Variants in RFX4 observed in about 807,000 individuals in gnomAD.
RFX4 encodes regulatory factor X4, also known as transcription factor RFX4.
Under a neutral mutation model 95.0 loss-of-function variants are expected in RFX4, and 10 were observed. That is an observed-to-expected ratio of 0.11 (90% CI 0.06 to 0.18). The LOEUF is 0.18. RFX4 is among the 10% of genes least tolerant of loss of function. The pLI is 1.00. For missense variants in RFX4, 640 were observed against 922.0 expected, an observed-to-expected ratio of 0.69 and a Z score of 3.96; for synonymous variants, 321 against 340.7, an observed-to-expected ratio of 0.94 and a Z score of 0.64.
intron 13 of RFX4, among the ~76,000 whole-genome samples, chr12:106,725,435 A>G (rs1288714355): frequency 2.6e-5 from 4 of 152,240 alleles, no homozygotes; most frequent in African/African-American, 9.6e-5. Context: ...CTAAAAACTA[A>G]TTTGTATATG....
At chr12:106,613,784 T>C (rs571423864) in intron 2 of RFX4, among the ~76,000 whole-genome samples, 5 of 152,354 alleles carry the variant, frequency 3.3e-5, no homozygotes, top group Admixed American at 6.5e-5. Flanking sequence ...TTCCCTCCTC[T>C]TTCATTATTT....
chr12:106,650,986 T>C (rs368762493), intron 3 of RFX4, among the ~76,000 whole-genome samples: 4 of 152,186 alleles, frequency 2.6e-5, no homozygotes, highest in African/African-American at 9.7e-5. Flanking sequence ...TGAGTACAAT[T>C]CTACCACCTT....
intron 10 of RFX4, 23 bp from the exon 11 acceptor site, chr12:106,715,377 G>A (rs778105920): frequency 1.4e-5 from 22 of 1,608,360 alleles, no homozygotes; most frequent in Non-Finnish European, 1.4e-5. Flanking sequence ...ATGAGCTAAC[G>A]AGTTGATTGG....
chr12:106,736,723 AGTT>A (rs1244760187), intron 15 of RFX4, among the ~76,000 whole-genome samples: 2 of 152,184 alleles, frequency 1.3e-5, no homozygotes, highest in Admixed American at 6.5e-5. Flanking sequence ...TCCCAAGTCC[AGTT>A]GTTCTAATAC....
At chr12:106,662,281 T>C in intron 4 of RFX4, 1 of 232,326 alleles carries the variant, frequency 4.3e-6, no homozygotes, top group Non-Finnish European at 8.9e-6. Flanking sequence ...TGGTATGTCG[T>C]TGTTTTAATT....
At chr12:106,750,570 A>C in intron 16 of RFX4, 85 bp from the exon 17 acceptor site, 1 of 1,293,400 alleles carries the variant, frequency 7.7e-7, no homozygotes, top group Non-Finnish European at 1.0e-6. Flanking sequence ...AAAAGGAAAA[A>C]AAATAGATGA....
At chr12:106,709,025 C>G (rs879498164) in intron 8 of RFX4, among the ~76,000 whole-genome samples, 1 of 152,130 alleles carries the variant, frequency 6.6e-6, no homozygotes, top group Non-Finnish European at 1.5e-5. Context: ...CTGTCTTCAC[C>G]CCTCACACAA....
chr12:106,693,514 C>T (rs1445445577), intron 7 of RFX4, among the ~76,000 whole-genome samples: 1 of 152,174 alleles, frequency 6.6e-6, no homozygotes, highest in African/African-American at 2.4e-5. Context: ...AATGTGTCAA[C>T]TCAAGAATCA....
intron 1 of RFX4, among the ~76,000 whole-genome samples, chr12:106,604,983 A>C (rs1258577498): frequency 1.3e-5 from 2 of 152,240 alleles, no homozygotes; most frequent in Admixed American, 1.3e-4. Flanking sequence ...TCTTCCTCTT[A>C]CTAGCCAGAT....
chr12:106,748,082 G>A (rs977135148), intron 16 of RFX4, among the ~76,000 whole-genome samples: 2 of 152,136 alleles, frequency 1.3e-5, no homozygotes, highest in African/African-American at 4.8e-5. Flanking sequence ...AGGGTAGGTA[G>A]GTAGGTAAGA....
At chr12:106,666,554 C>T (rs1267225131) in intron 4 of RFX4, among the ~76,000 whole-genome samples, 1 of 151,860 alleles carries the variant, frequency 6.6e-6, no homozygotes, top group African/African-American at 2.4e-5. Context: ...TGTGTATTTA[C>T]ATCTTTTGTA....
intron 1 of RFX4, among the ~76,000 whole-genome samples, chr12:106,594,125 C>T (rs1456555248): frequency 1.3e-5 from 2 of 152,146 alleles, no homozygotes; most frequent in African/African-American, 4.8e-5. Flanking sequence ...ATTTCTTTTA[C>T]TCAGTGACTC....
chr12:106,747,691 T>C, intron 16 of RFX4, 92 bp downstream of exon 16: 1 of 1,442,506 alleles, frequency 6.9e-7, no homozygotes, highest in Non-Finnish European at 9.4e-7. Context: ...CCCAGCACTT[T>C]GGGAGGCCAA....
chr12:106,747,642 A>T (rs2042919627), intron 16 of RFX4, 43 bp downstream of exon 16: 2 of 1,600,692 alleles, frequency 1.2e-6, no homozygotes, highest in Non-Finnish European at 1.7e-6. Context: ...TTAAAATTTG[A>T]TCTAAAGAGG....
At chr12:106,687,140 T>C (rs2041670745) in intron 6 of RFX4, 43 bp downstream of exon 6, 4 of 1,475,122 alleles carry the variant, frequency 2.7e-6, no homozygotes, top group Non-Finnish European at 3.8e-6. Context: ...GTGGTTTCTC[T>C]CTCTTTCTCT....
Position 106,761,287 on chromosome 12 carries a change from C to T in RFX4, c.2026C>T (p.Pro676Ser). 1 of 1,614,130 alleles carries T rather than the reference C, an allele frequency of 6.2e-7. No homozygotes were observed. The highest frequency in any genetic ancestry group is 8.5e-7 in the Non-Finnish European group (1 of 1,180,024). ...LHPTPVTPRW[P>S]EVPSANTCYT... The stretch of plus-strand genomic sequence containing the variant: ...TCCTACCCCAGTCACTCCCCGCTGG[C>T]CAGAGGTGCCCTCAGCCAACACGTG... Residue 676 changes from proline to serine, a missense_variant, in exon 18 of 18, where the codon CCA becomes TCA. By Grantham distance (74) the Pro-to-Ser change is moderately conservative. This residue lies in a region of RFX4 where 300 missense variants were observed against 346.8 expected (regional missense o/e 0.87). Coordinates refer to ENST00000392842, the MANE Select transcript of RFX4 (RefSeq NM_213594.3).
intron 9 of RFX4, 102 bp from the exon 10 acceptor site, chr12:106,711,351 A>T: frequency 9.8e-7 from 1 of 1,022,320 alleles, no homozygotes; most frequent in Non-Finnish European, 1.5e-6. Context: ...AGATAAACGT[A>T]GGCAAAATAA....
chr12:106,639,365 C>T lies in RFX4; in HGVS notation c.164C>T (p.Pro55Leu). 2 of 1,613,726 alleles carry T rather than the reference C, an allele frequency of 1.2e-6. No homozygotes were observed. The highest frequency in any genetic ancestry group is 1.7e-6 in the Non-Finnish European group (2 of 1,179,826). Residue 55 changes from proline to leucine, a missense_variant, in exon 3 of 18, where the codon CCC (proline) becomes CTC (leucine). Physicochemically the swap from Pro to Leu is moderately conservative, Grantham distance 98. This residue lies in a region of RFX4 where 63 missense variants were observed against 68.8 expected (regional missense o/e 0.92). Transcript: ENST00000392842. ...AAAGAAAATAATAGAGCATCCAAGC[C>T]CCACTCCACTCCTGCTACTCTGCAA... ...EEKENNRASK[P>L]HSTPATLQWL...
rs182350934 is a variant in RFX4, at chr12:106,652,838, G to A, written c.192-1390G>A. On this transcript the variant is annotated intron_variant, in intron 3 of 17. Transcript: ENST00000392842. ...CTCATTCCACTTCACTTACGACAGC[G>A]CTGGGCCACTTCTTTGGCAAATGCT... 5.7e-4 allele frequency among the ~76,000 whole-genome samples: 87 copies of A among 152,272 alleles called. 1 individual carries two copies. Among genetic ancestry groups the A allele is most frequent in the African/African-American group, 2.0e-3 (83 of 41,520 alleles).
Sources: gnomAD v4.1 joint callset for allele counts (sites outside exome capture counted in the v4.1 genomes callset) on GRCh38, gnomAD v4.1.1 for gene constraint, gnomAD v4.1.1 regional missense constraint, MANE v1.5 for transcripts, NCBI Gene and HGNC (gene_info 2026-07-23, HGNC 2026-07-21) for gene names.